The following TEX11 variants were observed in gnomAD, a reference collection of about 807,000 sequenced individuals.
TEX11 encodes testis-expressed protein 11.
In TEX11, 7 loss-of-function variants were observed where a neutral mutation model predicts 84.4. The observed-to-expected ratio is 0.08, with a 90% confidence interval of 0.05 to 0.16. The LOEUF is 0.16. TEX11 is among the 10% of genes least tolerant of loss of function. The probability of loss-of-function intolerance (pLI) is 1.00; values close to 1 mark genes in which losing one functional copy is unlikely to be tolerated. For synonymous variants in TEX11, 264 were observed against 222.8 expected (o/e 1.18, Z -1.64); for missense variants, 551 against 660.5 (o/e 0.83, Z 1.82).
chrX:70,718,728 G>A (rs2147714022), intron 13 of TEX11, among the ~76,000 whole-genome samples: 1 of 111,793 alleles, frequency 8.9e-6, no homozygotes, highest in South Asian at 3.7e-4. Flanking sequence ...GAATTCGCTA[G>A]GCTGAAAAAA....
intron 17 of TEX11, among the ~76,000 whole-genome samples, chrX:70,638,339 T>C (rs2089600083): frequency 9.0e-6 from 1 of 111,371 alleles, no homozygotes; most frequent in Non-Finnish European, 1.9e-5. Flanking sequence ...GAAGATATAT[T>C]CAAAGTGCCG....
rs1278511283 is a variant in TEX11 at position 70,718,869 on chromosome X, G to A, written c.1004+3749C>T. Reference sequence around the variant, plus strand: ...TTGGAGGGACCATCCCAGCTTCAGAGCTCCCAATAAGTAAGGCTGAGGCCT... The same window carrying A: ...TTGGAGGGACCATCCCAGCTTCAGAACTCCCAATAAGTAAGGCTGAGGCCT... On this transcript the variant is annotated intron_variant, in intron 13 of 29. Coordinates refer to ENST00000374333, the MANE Select transcript of TEX11 (RefSeq NM_031276.3). Among the ~76,000 whole-genome samples the A allele has an allele frequency of 1.1e-4, 12 of 111,798 alleles. No individual in the cohort carries two copies. In the Admixed American group the frequency reaches 1.1e-3, roughly 11 times the overall value.
chrX:70,563,990 A>G (rs1276365958), intron 25 of TEX11, among the ~76,000 whole-genome samples: 2 of 112,242 alleles, frequency 1.8e-5, no homozygotes, highest in African/African-American at 6.5e-5. Flanking sequence ...GCACTTTGGG[A>G]GGCCGAGGCG....
chrX:70,557,338 C>G (rs1281839214), intron 25 of TEX11, among the ~76,000 whole-genome samples: 1 of 105,958 alleles, frequency 9.4e-6, no homozygotes, highest in Non-Finnish European at 1.9e-5. Context: ...GGTGTGGGGG[C>G]GCATGTGTGT....
At chrX:70,780,911 G>A (rs919030028) in intron 9 of TEX11, among the ~76,000 whole-genome samples, 11 of 112,444 alleles carry the variant, frequency 9.8e-5, no homozygotes, top group Non-Finnish European at 1.9e-4. Flanking sequence ...AGAAACTTCT[G>A]CACACTTAAA....
At chrX:70,794,021 C>CA (rs1024195147) in intron 9 of TEX11, among the ~76,000 whole-genome samples, 4 of 111,703 alleles carry the variant, frequency 3.6e-5, no homozygotes, top group Non-Finnish European at 7.5e-5. Flanking sequence ...ACTATCTGCA[C>CA]AAAAAAAGCA....
chrX:70,710,861 A>G, intron 13 of TEX11, among the ~76,000 whole-genome samples: 1 of 110,962 alleles, frequency 9.0e-6, no homozygotes, highest in Non-Finnish European at 1.9e-5. Context: ...ATATGTATAC[A>G]TGTGCCATGT....
At chrX:70,540,673 T>G (rs113062393) in intron 28 of TEX11, among the ~76,000 whole-genome samples, 1 of 111,159 alleles carries the variant, frequency 9.0e-6, no homozygotes, top group African/African-American at 3.3e-5. Flanking sequence ...CATGTAAAAC[T>G]GAGTGAACAA....
intron 25 of TEX11, among the ~76,000 whole-genome samples, chrX:70,561,024 T>C (rs774741599): frequency 9.5e-6 from 1 of 105,270 alleles, no homozygotes; most frequent in South Asian, 4.6e-4. Context: ...GCTAGGATTA[T>C]AGTACTGTAA....
chrX:70,844,408 C>T (rs1484821351), intron 7 of TEX11, among the ~76,000 whole-genome samples: 3 of 90,472 alleles, frequency 3.3e-5, no homozygotes, highest in African/African-American at 1.3e-4. Context: ...GGGAATTGAA[C>T]AATGAGAACC....
chrX:70,908,698 C>G lies in TEX11; in HGVS notation c.-66G>C, dbSNP rs1013339404. 2 of 111,735 alleles carry G rather than the reference C, an allele frequency of 1.8e-5. No homozygotes were observed. Among genetic ancestry groups the G allele is most frequent in the African/African-American group, 6.5e-5 (2 of 30,646 alleles). The allele number at this position is 111,735 out of a possible 1,213,427, so 9.2% of individuals were successfully genotyped here. On this transcript the variant is annotated 5_prime_UTR_variant, in exon 1 of 30. Transcript: ENST00000374333. Reference sequence around the variant, plus strand: ...GCCGCCCTGCTCTCTCCACAACCTCCGTCCACAGCGCACGAGGACGTTCAG... The same window carrying G: ...GCCGCCCTGCTCTCTCCACAACCTCGGTCCACAGCGCACGAGGACGTTCAG...
At chrX:70,518,166 T>G in the TEX11 span, among the ~76,000 whole-genome samples, 1 of 111,406 alleles carries the variant, frequency 9.0e-6, no homozygotes, top group Non-Finnish European at 1.9e-5. Context: ...TTCTGCTAGC[T>G]TTTGAATGTG....
At chrX:70,719,651 A>G (rs893017245) in intron 13 of TEX11, among the ~76,000 whole-genome samples, 2 of 112,231 alleles carry the variant, frequency 1.8e-5, no homozygotes, top group Non-Finnish European at 3.8e-5. Flanking sequence ...CAGAATCTAC[A>G]AAGAACTCAA....
intron 11 of TEX11, among the ~76,000 whole-genome samples, chrX:70,739,414 T>A (rs1461842453): frequency 4.5e-3 from 67 of 14,977 alleles, no homozygotes; most frequent in Non-Finnish European, 7.2e-3. Flanking sequence ...ATTTCATTTC[T>A]TTTTTTTTTT....
In TEX11 at chrX:70,583,864, C is replaced by T. The variant is rs1314841184; in HGVS notation, c.2140+7887G>A. On this transcript the variant is annotated intron_variant, in intron 25 of 29. Transcript: ENST00000374333. ...GAACTAAAAACAGAACTACCAGATC[C>T]TATTTTAATCAAGGCCCAATTTGCC... 3.6e-5 allele frequency among the ~76,000 whole-genome samples: 4 copies of T among 112,086 alleles called. No homozygotes were observed. The Admixed American group carries it at 3.8e-4, about 11-fold the overall frequency.
At chrX:70,744,426 C>A (rs2090755440) in intron 9 of TEX11, among the ~76,000 whole-genome samples, 1 of 108,301 alleles carries the variant, frequency 9.2e-6, no homozygotes, top group Admixed American at 1.0e-4. Flanking sequence ...AAAACAATTT[C>A]CTTAGGAGAT....
At chrX:70,515,465 G>A in the TEX11 span, among the ~76,000 whole-genome samples, 2 of 111,823 alleles carry the variant, frequency 1.8e-5, no homozygotes, top group African/African-American at 6.5e-5. Context: ...CTTTTTTATG[G>A]CTGCATAGTA....
chrX:70,685,384 A>G (rs1411436841), intron 13 of TEX11, among the ~76,000 whole-genome samples: 1 of 111,913 alleles, frequency 8.9e-6, no homozygotes, highest in African/African-American at 3.3e-5. Context: ...ATGTGTTTGG[A>G]CAACTGGACA....
intron 4 of TEX11, 55 bp from the exon 5 acceptor site, chrX:70,860,991 A>T: frequency 1.2e-6 from 1 of 818,370 alleles, no homozygotes; most frequent in Non-Finnish European, 1.7e-6. Flanking sequence ...CTCCTTTTAT[A>T]TACACCAAAG....
Sources: gnomAD v4.1 joint callset for allele counts (sites outside exome capture counted in the v4.1 genomes callset) on GRCh38, gnomAD v4.1.1 for gene constraint, MANE v1.5 for transcripts, NCBI Gene and HGNC (gene_info 2026-07-23, HGNC 2026-07-21) for gene names.